REC8: variants seen among roughly 807,000 people sequenced by gnomAD.
REC8 encodes the protein meiotic recombination protein REC8 homolog.
Under a neutral mutation model 78.3 loss-of-function variants are expected in REC8, and 42 were observed. The observed-to-expected ratio is 0.54, with a 90% CI of 0.42 to 0.69. The LOEUF is 0.69. REC8 is among the 30% of genes least tolerant of loss of function. REC8 has a pLI of 0.00. For missense variants in REC8, 581 were observed against 715.8 expected (o/e 0.81, Z 2.15); for synonymous variants, 268 against 274.1 (o/e 0.98, Z 0.22).
At chr14:24,173,495 G>A in intron 5 of REC8, 84 bp downstream of exon 5, 2 of 1,576,808 alleles carry the variant, frequency 1.3e-6, no homozygotes, top group Admixed American at 1.7e-5. Context: ...TGGGGTTGGG[G>A]AAGGAAGCTT....
At chr14:24,179,369 C>A (rs375683921) in intron 15 of REC8, 28 bp from the exon 16 acceptor site, 7 of 1,612,492 alleles carry the variant, frequency 4.3e-6, no homozygotes, top group Non-Finnish European at 5.9e-6. Flanking sequence ...CAAGCAGACA[C>A]CCACTAGCGC....
At chr14:24,179,210 A>G (rs1027977583) in intron 15 of REC8, 77 bp downstream of exon 15, 1 of 1,370,032 alleles carries the variant, frequency 7.3e-7, no homozygotes, top group Non-Finnish European at 1.0e-6. Context: ...CAACTGCTGA[A>G]GCTGTTTTAT....
rs1312266855 is a variant in REC8, at chr14:24,179,075, C to T, written c.1204-10C>T. ...GCTTGGGGTCTTAGTTCTACTTCTC[C>T]CATCCCCAGGTCCCGAGGGAGGCCC... is the stretch of plus-strand genomic sequence containing the variant. On this transcript the variant is annotated splice_polypyrimidine_tract_variant and intron_variant, in intron 14 of 18. Transcript: ENST00000611366. The T allele has an allele frequency of 6.2e-7, 1 of 1,606,192 alleles. No homozygotes were observed. The highest frequency in any genetic ancestry group is 2.3e-5 in the East Asian group (1 of 44,396).
intron 18 of REC8, 23 bp downstream of exon 18, chr14:24,179,929 G>C (rs774836670): frequency 6.2e-7 from 1 of 1,613,988 alleles, no homozygotes; most frequent in African/African-American, 1.3e-5. Flanking sequence ...ATGTGTGTGT[G>C]TGTATGTGGG....
intron 6 of REC8, 101 bp downstream of exon 6, chr14:24,175,725 GCT>G: frequency 2.5e-6 from 2 of 800,316 alleles, no homozygotes; most frequent in Non-Finnish European, 4.0e-6. Context: ...TGTGAGGGGC[GCT>G]TTTTTTTTTT....
rs2039084021 is a variant in REC8, at chr14:24,179,821, G to C, written c.1473G>C (p.Gln491His). The C allele has an allele frequency of 6.2e-7, 1 of 1,613,144 alleles. No homozygotes were observed. Among genetic ancestry groups the C allele is most frequent in the African/African-American group, 1.3e-5 (1 of 74,926 alleles). The change falls in exon 18 of 19, where the codon CAG (glutamine) becomes CAC (histidine). Residue 491 changes from glutamine to histidine, a missense_variant. Gln to His is a conservative substitution (Grantham distance 24). Coordinates refer to ENST00000611366, the MANE Select transcript of REC8 (RefSeq NM_001048205.2). The stretch of plus-strand genomic sequence containing the variant: ...ATAGGGCAGTGGCACTGGAGCTGCA[G>C]GCTAACAGGGAGCCCGACTTCAGCA... ...AVHRAVALEL[Q>H]ANREPDFSSL...
chr14:24,179,530 G>A, intron 16 of REC8, 65 bp from the exon 17 acceptor site: 2 of 1,613,842 alleles, frequency 1.2e-6, no homozygotes, highest in South Asian at 2.2e-5. Context: ...AACAGCTGCT[G>A]GGATGGGTAT....
Position 24,180,187 on chromosome 14 carries a change from A to T in REC8, c.*92A>T. On this transcript the variant is annotated 3_prime_UTR_variant, in exon 19 of 19. Coordinates refer to ENST00000611366, the MANE Select transcript of REC8 (RefSeq NM_001048205.2). Reference sequence around the variant, plus strand: ...TGGGTCCTGCTTACCTCATTTCTGAATGTGCATTTCCAGCCTTCTTGCTCT... The same window carrying T: ...TGGGTCCTGCTTACCTCATTTCTGATTGTGCATTTCCAGCCTTCTTGCTCT... 1 of 1,600,272 alleles carries T rather than the reference A, an allele frequency of 6.2e-7. No individual in the cohort carries two copies. The highest frequency in any genetic ancestry group is 8.5e-7 in the Non-Finnish European group (1 of 1,178,232).
rs369774021 is a variant in REC8 at position 24,178,599 on chromosome 14, T to G, written c.997-7T>G. 5.0e-6 allele frequency: 8 copies of G among 1,613,778 alleles called. No homozygotes were observed. The highest frequency in any genetic ancestry group is 8.5e-7 in the Non-Finnish European group (1 of 1,179,922). On this transcript the variant is annotated splice_region_variant and splice_polypyrimidine_tract_variant and intron_variant, in intron 12 of 18. Coordinates refer to ENST00000611366, the MANE Select transcript of REC8 (RefSeq NM_001048205.2). Reference sequence around the variant, plus strand: ...AATGGGGCTTCTGACCTTCCCCCACTACACAGCCTATGGTGCAGCCGCCCG... The same window carrying G: ...AATGGGGCTTCTGACCTTCCCCCACGACACAGCCTATGGTGCAGCCGCCCG...
At chr14:24,173,959 C>G (rs554955709) in intron 5 of REC8, among the ~76,000 whole-genome samples, 1 of 151,932 alleles carries the variant, frequency 6.6e-6, no homozygotes, top group African/African-American at 2.4e-5. Context: ...TCTGCCTCCC[C>G]GGTTCAAGCA....
At chr14:24,179,343 G>A in intron 15 of REC8, 54 bp from the exon 16 acceptor site, 1 of 1,588,422 alleles carries the variant, frequency 6.3e-7, no homozygotes, top group Non-Finnish European at 8.6e-7. Context: ...GTGGCCACAA[G>A]GCCCTAACTG....
chr14:24,175,741 G>C (rs978611440), intron 6 of REC8, 117 bp downstream of exon 6: 1 of 667,942 alleles, frequency 1.5e-6, no homozygotes, highest in African/African-American at 1.9e-5. Flanking sequence ...TTTTTTTTTC[G>C]AGGCAGAGTC....
At chr14:24,173,550 G>A in intron 5 of REC8, 139 bp downstream of exon 5, 4 of 1,494,546 alleles carry the variant, frequency 2.7e-6, no homozygotes, top group Admixed American at 2.0e-5. Flanking sequence ...GGACTGCCAA[G>A]GTGGACCCAT....
At position 24,177,192 on chromosome 14, in the gene REC8, G is replaced by A. The variant is rs559059143; in HGVS notation, c.676G>A (p.Ala226Thr). The change falls in exon 8 of 19, where the codon GCA (alanine) becomes ACA (threonine). Residue 226 changes from alanine to threonine, a missense_variant. Coordinates refer to ENST00000611366, the MANE Select transcript of REC8 (RefSeq NM_001048205.2). ...CCGCCGAGAACTGGACCTGCTGATC[G>A]CAGAGGAAGAAGAAGCTATCTTGTT... ...VSRRELDLLI[A>T]EEEEAILLEI... 17 of 1,614,000 alleles carry A rather than the reference G, an allele frequency of 1.1e-5. No homozygotes were observed. The highest frequency in any genetic ancestry group is 6.7e-5 in the Admixed American group (4 of 60,004).
chr14:24,176,372 T>C (rs944367250), intron 6 of REC8, among the ~76,000 whole-genome samples: 41 of 149,986 alleles, frequency 2.7e-4, no homozygotes, highest in African/African-American at 9.9e-4. Flanking sequence ...TTTTTTTTTT[T>C]CTTTTTTTCC....
chr14:24,172,700 C>G lies in REC8; in HGVS notation c.57-13C>G. Reference sequence around the variant, plus strand: ...CTCCATCCCCATTCTCCCACCTTCCCCACCCACTTCAGGCTGGCGGCGACT... The same window carrying G: ...CTCCATCCCCATTCTCCCACCTTCCGCACCCACTTCAGGCTGGCGGCGACT... On this transcript the variant is annotated splice_polypyrimidine_tract_variant and intron_variant, in intron 1 of 18. Transcript: ENST00000611366. The G allele has an allele frequency of 1.2e-6, 2 of 1,614,238 alleles. No individual in the cohort carries two copies. Among genetic ancestry groups the G allele is most frequent in the African/African-American group, 1.3e-5 (1 of 75,078 alleles).
rs2139133703 is a variant in REC8 at position 24,177,128 on chromosome 14, C to T, written c.625-13C>T. 1 of 1,612,840 alleles carries T rather than the reference C, an allele frequency of 6.2e-7. No individual in the cohort carries two copies. The highest frequency in any genetic ancestry group is 8.5e-7 in the Non-Finnish European group (1 of 1,178,844). ...TATTGAATCCCCTCCCCTTGCTCTT[C>T]CTCTCTGGACAGGGTGAACGGGAGC... On this transcript the variant is annotated splice_polypyrimidine_tract_variant and intron_variant, in intron 7 of 18. Transcript: ENST00000611366.
At position 24,176,834 on chromosome 14, in the gene REC8, TCACTGTGCTGC is replaced by T; in HGVS notation, c.561_571del (p.Val188Ter). The T allele has an allele frequency of 6.2e-7, 1 of 1,613,328 alleles. No homozygotes were observed. Among genetic ancestry groups the T allele is most frequent in the Non-Finnish European group, 8.5e-7 (1 of 1,179,658 alleles). ...CTTGTCCCTCCAGAGAGGATTCCGG[TCACTGTGCTGC>T]CACCTGAGGCCATCACGATCCTGGA... On this transcript the variant is annotated frameshift_variant, in exon 7 of 19. Coordinates refer to ENST00000611366, the MANE Select transcript of REC8 (RefSeq NM_001048205.2). LOFTEE classifies it high-confidence loss of function.
rs760705084 is a variant in REC8, at chr14:24,172,567, C to T, written c.15C>T (p.Pro5=). 1.9e-6 allele frequency: 3 copies of T among 1,613,160 alleles called. No individual in the cohort carries two copies. Among genetic ancestry groups the T allele is most frequent in the South Asian group, 1.1e-5 (1 of 90,948 alleles). The change falls in exon 1 of 19, where the codon CCC becomes CCT. Residue 5 remains proline (P), a synonymous_variant. Coordinates refer to ENST00000611366, the MANE Select transcript of REC8 (RefSeq NM_001048205.2). ...CCAGAGGGACAATGTTCTACTATCC[C>T]AACGTGCTTCAGCGCCACACCGGCT... MFYY[P]NVLQRHTGCF... is the part of the protein sequence containing the mutation.
Sources: gnomAD v4.1 joint callset for allele counts (sites outside exome capture counted in the v4.1 genomes callset) on GRCh38, gnomAD v4.1.1 for gene constraint, MANE v1.5 for transcripts, NCBI Gene and HGNC (gene_info 2026-07-23, HGNC 2026-07-21) for gene names.